Variants in DAP observed in about 807,000 individuals in gnomAD.
The protein encoded by DAP is death associated protein.
In DAP, 8 loss-of-function variants were observed where a neutral mutation model predicts 13.8. The observed-to-expected ratio is 0.58, with a 90% CI of 0.34 to 1.05. DAP has a LOEUF of 1.05. DAP is among the 50% of genes least tolerant of loss of function. DAP has a pLI of 0.03. For missense variants in DAP, 106 were observed against 133.2 expected, an observed-to-expected ratio of 0.80 and a Z score of 1.01; for synonymous variants, 47 against 47.5, an observed-to-expected ratio of 0.99 and a Z score of 0.04.
At chr5:10,713,489 G>A (rs1228076817) in intron 2 of DAP, among the ~76,000 whole-genome samples, 3 of 152,212 alleles carry the variant, frequency 2.0e-5, no homozygotes, top group Non-Finnish European at 2.9e-5. Context: ...CATTCATAAC[G>A]TGCTTTATCT....
At chr5:10,751,344 T>C (rs1161575458) in intron 1 of DAP, among the ~76,000 whole-genome samples, 1 of 152,188 alleles carries the variant, frequency 6.6e-6, no homozygotes, top group East Asian at 1.9e-4. Context: ...CCAGCCTACG[T>C]AGTTGGCCTC....
chr5:10,737,370 AAAC>A (rs375025700), intron 2 of DAP, among the ~76,000 whole-genome samples: 14 of 150,692 alleles, frequency 9.3e-5, no homozygotes, highest in African/African-American at 2.9e-4. Context: ...AACAAAAACA[AAAC>A]AACAACAACA....
intron 2 of DAP, among the ~76,000 whole-genome samples, chr5:10,726,639 G>A (rs1197865896): frequency 6.6e-6 from 1 of 152,248 alleles, no homozygotes; most frequent in African/African-American, 2.4e-5. Context: ...GGGACAACAG[G>A]CGAGTCATAT....
intron 2 of DAP, among the ~76,000 whole-genome samples, chr5:10,738,004 A>G (rs899612099): frequency 2.0e-5 from 3 of 152,252 alleles, no homozygotes; most frequent in African/African-American, 7.2e-5. Flanking sequence ...TGATGCATCT[A>G]CAAGCCAGGG....
chr5:10,743,145 G>C (rs1739803418), intron 2 of DAP, among the ~76,000 whole-genome samples: 1 of 152,150 alleles, frequency 6.6e-6, no homozygotes, highest in African/African-American at 2.4e-5. Flanking sequence ...CCCTTAAGAA[G>C]CCTGTTTACT....
At chr5:10,709,301 G>C (rs943725280) in intron 2 of DAP, among the ~76,000 whole-genome samples, 2 of 152,226 alleles carry the variant, frequency 1.3e-5, no homozygotes, top group African/African-American at 4.8e-5. Flanking sequence ...GTGAGTTACT[G>C]GGGAAAGAAG....
At chr5:10,693,124 GCACACACACA>G (rs10596228) in intron 2 of DAP, among the ~76,000 whole-genome samples, 16 of 148,866 alleles carry the variant, frequency 1.1e-4, no homozygotes, top group Admixed American at 2.0e-4. Flanking sequence ...ACATGCACAC[GCACACACACA>G]CACACACACA....
rs1227047828 is a variant in DAP, at chr5:10,761,218, T to C, written c.-150A>G. The C allele has an allele frequency of 3.6e-5, 9 of 248,908 alleles. No individual in the cohort carries two copies. The highest frequency in any genetic ancestry group is 1.2e-4 in the Admixed American group (2 of 16,878). 15.4% of individuals were successfully genotyped at this position (248,908 alleles called of 1,614,324 possible). On this transcript the variant is annotated 5_prime_UTR_variant, in exon 1 of 4. Transcript: ENST00000230895. ...GGGCGCCGGGGCCGCGCGAGCCGGGTGAGTGCCACTGCCGTTAAGGGGGCG... is the reference window on the plus strand; with the variant it reads ...GGGCGCCGGGGCCGCGCGAGCCGGGCGAGTGCCACTGCCGTTAAGGGGGCG...
At chr5:10,731,417 A>G (rs1477912874) in intron 2 of DAP, among the ~76,000 whole-genome samples, 1 of 152,204 alleles carries the variant, frequency 6.6e-6, no homozygotes, top group Non-Finnish European at 1.5e-5. Context: ...TCTTGCTACC[A>G]GCTGCATTGG....
At position 10,679,332 on chromosome 5, in the gene DAP, C is replaced by T. The variant is rs5745305; in HGVS notation, c.*1724G>A. On this transcript the variant is annotated 3_prime_UTR_variant, in exon 4 of 4. Coordinates refer to ENST00000230895, the MANE Select transcript of DAP (RefSeq NM_004394.3). Reference sequence around the variant, plus strand: ...ACATTTTGGATTTAATGATCTAAAGCTCACAGATGCATGCCACATCTAGCT... The same window carrying T: ...ACATTTTGGATTTAATGATCTAAAGTTCACAGATGCATGCCACATCTAGCT... 5.3e-5 allele frequency: 8 copies of T among 152,358 alleles called. No homozygotes were observed. Among genetic ancestry groups the T allele is most frequent in the African/African-American group, 1.9e-4 (8 of 41,440 alleles). 9.4% of individuals were successfully genotyped at this position (152,358 alleles called of 1,614,324 possible). A position where few individuals can be genotyped will look rare whatever the true frequency, so the allele number is the denominator to read the frequency against.
chr5:10,747,868 G>A (rs976180393), intron 2 of DAP, among the ~76,000 whole-genome samples: 29 of 152,154 alleles, frequency 1.9e-4, no homozygotes, highest in Non-Finnish European at 4.0e-4. Context: ...GCTAAACCCA[G>A]GCACCTGGGC....
At chr5:10,705,113 G>A (rs562359497) in intron 2 of DAP, among the ~76,000 whole-genome samples, 2 of 152,166 alleles carry the variant, frequency 1.3e-5, no homozygotes, top group African/African-American at 2.4e-5. Context: ...AGTGTAATGG[G>A]GCTCTGAGTC....
chr5:10,750,291 T>C (rs1740014504), intron 1 of DAP, among the ~76,000 whole-genome samples: 1 of 152,180 alleles, frequency 6.6e-6, no homozygotes, highest in African/African-American at 2.4e-5. Flanking sequence ...GCTTACATGC[T>C]TCAGGTGTAC....
intron 2 of DAP, among the ~76,000 whole-genome samples, chr5:10,689,792 A>C (rs1375946945): frequency 6.6e-6 from 1 of 152,092 alleles, no homozygotes; most frequent in Non-Finnish European, 1.5e-5. Context: ...CCGCAGTCAA[A>C]GGGACTCACT....
At position 10,680,879 on chromosome 5, in the gene DAP, G is replaced by A. The variant is rs908440638; in HGVS notation, c.*177C>T. 47 of 1,536,932 alleles carry A rather than the reference G, an allele frequency of 3.1e-5. No homozygotes were observed. The highest frequency in any genetic ancestry group is 1.8e-4 in the Admixed American group (9 of 50,994). ...ACCAGACTCCCCATAAACAAGGTTTGGGCTGGAGCTGTTTCTAGTTTTAAA... is the reference window on the plus strand; with the variant it reads ...ACCAGACTCCCCATAAACAAGGTTTAGGCTGGAGCTGTTTCTAGTTTTAAA... On this transcript the variant is annotated 3_prime_UTR_variant, in exon 4 of 4. Transcript: ENST00000230895.
intron 2 of DAP, among the ~76,000 whole-genome samples, chr5:10,724,046 C>T (rs980656320): frequency 5.3e-5 from 8 of 152,222 alleles, no homozygotes; most frequent in African/African-American, 1.7e-4. Context: ...AGGCACCATA[C>T]AGCAAAGGCA....
intron 2 of DAP, among the ~76,000 whole-genome samples, chr5:10,717,209 C>T (rs1188137213): frequency 6.6e-6 from 1 of 152,174 alleles, no homozygotes; most frequent in African/African-American, 2.4e-5. Flanking sequence ...GCTTCAGAAG[C>T]AGATACTGAA....
chr5:10,693,850 T>G (rs1738369002), intron 2 of DAP, among the ~76,000 whole-genome samples: 1 of 152,260 alleles, frequency 6.6e-6, no homozygotes, highest in African/African-American at 2.4e-5. Context: ...TCTGACTTGA[T>G]AGTGGATTTT....
intron 2 of DAP, among the ~76,000 whole-genome samples, chr5:10,728,260 T>C (rs1246959330): frequency 6.6e-6 from 1 of 152,244 alleles, no homozygotes; most frequent in Non-Finnish European, 1.5e-5. Context: ...CATCTTCTTT[T>C]GAATTCACTG....
Sources: allele counts gnomAD v4.1 joint callset (sites outside exome capture counted in the v4.1 genomes callset), GRCh38; gene constraint gnomAD v4.1.1; transcripts MANE v1.5; gene names NCBI Gene and HGNC (gene_info 2026-07-23, HGNC 2026-07-21).